EBF3: variants seen among roughly 807,000 people sequenced by gnomAD.
The protein encoded by EBF3 is EBF transcription factor 3.
A neutral mutation model predicts 77.1 loss-of-function variants in EBF3; 18 were observed. The ratio of observed to expected loss-of-function variants is 0.23; its 90% confidence interval spans 0.16 to 0.35. EBF3 has a LOEUF of 0.35. Ranked by LOEUF, EBF3 falls within the 10% of genes least tolerant of loss-of-function variation. The probability of loss-of-function intolerance (pLI) is 1.00; values close to 1 mark genes in which losing one functional copy is unlikely to be tolerated. For missense variants in EBF3, 558 were observed against 860.0 expected (o/e 0.65, Z 4.39); for synonymous variants, 350 against 343.5 (o/e 1.02, Z -0.21).
At chr10:129,941,257 G>A (rs1238211437) in intron 6 of EBF3, among the ~76,000 whole-genome samples, 1 of 152,236 alleles carries the variant, frequency 6.6e-6, no homozygotes, top group Non-Finnish European at 1.5e-5. Context: ...AAGGATATCA[G>A]CTTACAGGGC....
chr10:129,930,125 C>A (rs1327659507), intron 6 of EBF3, among the ~76,000 whole-genome samples: 2 of 152,184 alleles, frequency 1.3e-5, no homozygotes, highest in Non-Finnish European at 2.9e-5. Context: ...GGATTCACAC[C>A]AGCAGTCCCG....
At chr10:129,857,912 C>T (rs7907355) in intron 10 of EBF3, among the ~76,000 whole-genome samples, 7,159 of 152,300 alleles carry the variant, frequency 0.047, 548 homozygotes, top group African/African-American at 0.16. Context: ...TTCCACAGCA[C>T]GCCACACCTT....
chr10:129,932,104 C>A (rs1421641740), intron 6 of EBF3, among the ~76,000 whole-genome samples: 1 of 152,214 alleles, frequency 6.6e-6, no homozygotes, highest in Admixed American at 6.5e-5. Flanking sequence ...AAGGACAAAG[C>A]GGGCCACTCT....
chr10:129,960,829 G>A (rs996210773), intron 4 of EBF3, among the ~76,000 whole-genome samples: 4 of 152,174 alleles, frequency 2.6e-5, no homozygotes, highest in Middle Eastern at 3.4e-3. Flanking sequence ...AGACTATAGC[G>A]ATTTCCGAAA....
intron 8 of EBF3, among the ~76,000 whole-genome samples, 198 bp from the exon 9 acceptor site, chr10:129,868,110 C>A (rs569123164): frequency 6.6e-6 from 1 of 152,202 alleles, no homozygotes; most frequent in Admixed American, 6.5e-5. Context: ...AAGGAAAGGC[C>A]GAGCTGCGGA....
chr10:129,938,742 A>C lies in EBF3; in HGVS notation c.554+18516T>G, dbSNP rs1310621724. ...TGTCCTGGGACCTGGCCTGTGCTCC[A>C]AGCAAGTCAAGGCCATTGAGTCAAT... On this transcript the variant is annotated intron_variant, in intron 6 of 16. Coordinates refer to ENST00000440978, the MANE Select transcript of EBF3 (RefSeq NM_001375380.1). The surrounding 1 kb of genome is among the most constrained non-coding windows in gnomAD (Gnocchi z 5.1). Among the ~76,000 whole-genome samples, 1 of 152,162 alleles carries C rather than the reference A, an allele frequency of 6.6e-6. No individual in the cohort carries two copies. The highest frequency in any genetic ancestry group is 1.5e-5 in the Non-Finnish European group (1 of 68,034).
At position 129,897,593 on chromosome 10, in the gene EBF3, C is replaced by T. The variant is rs942218786; in HGVS notation, c.555-19744G>A. Among the ~76,000 whole-genome samples the T allele has an allele frequency of 1.3e-5, 2 of 152,080 alleles. No individual in the cohort carries two copies. Among genetic ancestry groups the T allele is most frequent in the Non-Finnish European group, 2.9e-5 (2 of 68,014 alleles). ...ACCCTTTTATCCGAGAGGCGAAGCCCGGGAAGGTTCTCGAGGGCGCCCATT... is the reference window on the plus strand; with the variant it reads ...ACCCTTTTATCCGAGAGGCGAAGCCTGGGAAGGTTCTCGAGGGCGCCCATT... On this transcript the variant is annotated intron_variant, in intron 6 of 16. Coordinates refer to ENST00000440978, the MANE Select transcript of EBF3 (RefSeq NM_001375380.1). This position sits in a 1 kb window ranked among gnomAD's most constrained non-coding sequence, Gnocchi z 4.6.
intron 6 of EBF3, among the ~76,000 whole-genome samples, chr10:129,906,707 T>C (rs906398458): frequency 2.6e-5 from 4 of 152,116 alleles, no homozygotes; most frequent in African/African-American, 9.7e-5. Flanking sequence ...TAAACCTCAA[T>C]TGTTTGATTG....
chr10:129,924,646 G>C (rs1395162867), intron 6 of EBF3, among the ~76,000 whole-genome samples: 5 of 152,118 alleles, frequency 3.3e-5, no homozygotes, highest in African/African-American at 1.2e-4. Context: ...TTGCAAGCCA[G>C]GTTTTAAAGA....
chr10:129,963,834 C>T lies in EBF3; in HGVS notation c.-66G>A. The T allele has an allele frequency of 6.9e-7, 1 of 1,456,798 alleles. No individual in the cohort carries two copies. Among genetic ancestry groups the T allele is most frequent in the Non-Finnish European group, 9.2e-7 (1 of 1,092,084 alleles). 90.2% of individuals were successfully genotyped at this position (1,456,798 alleles called of 1,614,324 possible). On this transcript the variant is annotated 5_prime_UTR_variant, in exon 1 of 17. Coordinates refer to ENST00000440978, the MANE Select transcript of EBF3 (RefSeq NM_001375380.1). The surrounding 1 kb of genome is among the most constrained non-coding windows in gnomAD (Gnocchi z 7.1). Reference sequence around the variant, plus strand: ...TTTCCTCGAGCAGCGGCGCTCGGGGCTTGGCGGCAGGCGGCTGCCCTGGCC... The same window carrying T: ...TTTCCTCGAGCAGCGGCGCTCGGGGTTTGGCGGCAGGCGGCTGCCCTGGCC...
intron 6 of EBF3, among the ~76,000 whole-genome samples, chr10:129,909,502 C>A (rs1011463127): frequency 6.6e-6 from 1 of 152,220 alleles, no homozygotes; most frequent in African/African-American, 2.4e-5. Flanking sequence ...GTCACCCTGG[C>A]TCTCAGAGGG....
At position 129,885,305 on chromosome 10, in the gene EBF3, G is replaced by A. The variant is rs1032296312; in HGVS notation, c.555-7456C>T. On this transcript the variant is annotated intron_variant, in intron 6 of 16. Transcript: ENST00000440978. The surrounding 1 kb of genome is among the most constrained non-coding windows in gnomAD (Gnocchi z 4.0). Reference sequence around the variant, plus strand: ...CCGTTTGGAGAAATTTGTATGACTCGCATTAAACTTTTCCGGGTGGTTTTA... The same window carrying A: ...CCGTTTGGAGAAATTTGTATGACTCACATTAAACTTTTCCGGGTGGTTTTA... Among the ~76,000 whole-genome samples the A allele has an allele frequency of 3.3e-5, 5 of 152,202 alleles. No individual in the cohort carries two copies. Among genetic ancestry groups the A allele is most frequent in the East Asian group, 1.9e-4 (1 of 5,176 alleles).
Position 129,870,616 on chromosome 10 carries a change from G to C in EBF3, c.782-2704C>G, listed in dbSNP as rs1450463538. Among the ~76,000 whole-genome samples the C allele has an allele frequency of 6.6e-6, 1 of 152,116 alleles. No homozygotes were observed. Among genetic ancestry groups the C allele is most frequent in the Non-Finnish European group, 1.5e-5 (1 of 68,022 alleles). On this transcript the variant is annotated intron_variant, in intron 8 of 16. Transcript: ENST00000440978. The surrounding 1 kb of genome is among the most constrained non-coding windows in gnomAD (Gnocchi z 4.4). ...GGATCCTCTCAGCTACTTGGGAGAAGAGGCGCTCACAAGGAACACCCTCTG... is the reference window on the plus strand; with the variant it reads ...GGATCCTCTCAGCTACTTGGGAGAACAGGCGCTCACAAGGAACACCCTCTG...
At chr10:129,843,877 G>A (rs374198872) in intron 11 of EBF3, among the ~76,000 whole-genome samples, 55 of 152,268 alleles carry the variant, frequency 3.6e-4, no homozygotes, top group African/African-American at 1.2e-3. Flanking sequence ...CTGTGCCTGG[G>A]GGCTTGGATG....
rs1459442238 is a variant in EBF3, at chr10:129,943,370, G to A, written c.554+13888C>T. Among the ~76,000 whole-genome samples the A allele has an allele frequency of 6.6e-6, 1 of 152,218 alleles. No homozygotes were observed. The highest frequency in any genetic ancestry group is 1.5e-5 in the Non-Finnish European group (1 of 68,036). ...AAATTAATTCCAGATTGTAGTTATT[G>A]TCTTAAGCACAAGAAGGTTGTCTTA... is the stretch of plus-strand genomic sequence containing the variant. On this transcript the variant is annotated intron_variant, in intron 6 of 16. Transcript: ENST00000440978. This position sits in a 1 kb window ranked among gnomAD's most constrained non-coding sequence, Gnocchi z 8.8.
intron 10 of EBF3, among the ~76,000 whole-genome samples, chr10:129,851,406 G>T (rs997060278): frequency 1.3e-5 from 2 of 152,176 alleles, no homozygotes; most frequent in African/African-American, 4.8e-5. Context: ...TGGTTCCCGA[G>T]CAATTTATTC....
chr10:129,945,742 C>T (rs1858161099), intron 6 of EBF3, among the ~76,000 whole-genome samples: 2 of 152,192 alleles, frequency 1.3e-5, no homozygotes. Context: ...TCAGAACACT[C>T]ATATTTCCTT....
intron 4 of EBF3, among the ~76,000 whole-genome samples, chr10:129,959,380 T>C (rs1475264699): frequency 6.6e-6 from 1 of 151,618 alleles, no homozygotes; most frequent in Non-Finnish European, 1.5e-5. Context: ...CCCGGGCCCC[T>C]TCGGCATTCC....
chr10:129,877,883 G>T (rs775403284), intron 6 of EBF3, 34 bp from the exon 7 acceptor site: 1 of 1,550,014 alleles, frequency 6.5e-7, no homozygotes, highest in Admixed American at 1.7e-5. Flanking sequence ...TATTTATTAG[G>T]GTTATCAGAC....
Sources: gnomAD v4.1 joint callset for allele counts (sites outside exome capture counted in the v4.1 genomes callset) on GRCh38, gnomAD v4.1.1 for gene constraint, Gnocchi (gnomAD v3.1) non-coding constraint, MANE v1.5 for transcripts, NCBI Gene and HGNC (gene_info 2026-07-23, HGNC 2026-07-21) for gene names.